Variants in TAFA2 observed in about 807,000 individuals in gnomAD.
TAFA2 encodes the protein chemokine-like protein TAFA-2.
A neutral mutation model predicts 18.8 loss-of-function variants in TAFA2; 7 were observed. That is an observed-to-expected ratio of 0.37 (90% CI 0.21 to 0.70). The LOEUF (loss-of-function observed/expected upper bound fraction) is 0.70, where lower values mean the gene tolerates loss of function less well. Ranked by LOEUF, TAFA2 falls within the 30% of genes least tolerant of loss-of-function variation. TAFA2 has a pLI of 0.53. For missense variants in TAFA2, 122 were observed against 158.1 expected, an observed-to-expected ratio of 0.77 and a Z score of 1.23; for synonymous variants, 60 against 54.2, an observed-to-expected ratio of 1.11 and a Z score of -0.47.
At chr12:62,126,108 T>C (rs948530342) in intron 1 of TAFA2, among the ~76,000 whole-genome samples, 12 of 152,132 alleles carry the variant, frequency 7.9e-5, no homozygotes, top group Non-Finnish European at 2.9e-5. Context: ...TAATTTGAAA[T>C]ATAGCTCCCC....
At chr12:62,083,882 A>G (rs1333719196) in intron 1 of TAFA2, among the ~76,000 whole-genome samples, 2 of 152,060 alleles carry the variant, frequency 1.3e-5, no homozygotes, top group Non-Finnish European at 2.9e-5. Context: ...TTTATTTTTT[A>G]TAATCTAATT....
intron 1 of TAFA2, among the ~76,000 whole-genome samples, chr12:62,224,203 A>T (rs543884366): frequency 7.2e-5 from 11 of 152,124 alleles, no homozygotes; most frequent in Non-Finnish European, 1.0e-4. Context: ...CATTATGTGA[A>T]GTCCATACAA....
chr12:62,119,265 G>C (rs554631614), intron 1 of TAFA2, among the ~76,000 whole-genome samples: 6 of 151,858 alleles, frequency 4.0e-5, no homozygotes, highest in Admixed American at 3.9e-4. Context: ...ATTCTAATTA[G>C]TTATATAATG....
intron 1 of TAFA2, among the ~76,000 whole-genome samples, chr12:61,996,165 C>T (rs1001067450): frequency 1.3e-5 from 2 of 151,912 alleles, no homozygotes; most frequent in East Asian, 1.9e-4. Flanking sequence ...AGTATTTATT[C>T]AACACTTGCT....
intron 1 of TAFA2, among the ~76,000 whole-genome samples, chr12:62,227,796 G>A (rs1050486922): frequency 9.9e-5 from 15 of 152,130 alleles, no homozygotes; most frequent in African/African-American, 3.6e-4. Flanking sequence ...TGTATATGGT[G>A]AGAGGGCTCA....
intron 1 of TAFA2, among the ~76,000 whole-genome samples, chr12:62,215,746 CAAAAAAA>C: frequency 1.4e-5 from 1 of 72,572 alleles, no homozygotes; most frequent in Middle Eastern, 7.9e-3. Context: ...ACTTGTTTCT[CAAAAAAA>C]AAAAAAAAAA....
chr12:62,215,034 C>A (rs187884676), intron 1 of TAFA2, among the ~76,000 whole-genome samples: 5 of 152,288 alleles, frequency 3.3e-5, no homozygotes, highest in African/African-American at 1.2e-4. Context: ...AGGGGCCAGA[C>A]TAGAGAGAAA....
At chr12:61,747,485 A>C (rs1868776274) in intron 4 of TAFA2, among the ~76,000 whole-genome samples, 1 of 147,290 alleles carries the variant, frequency 6.8e-6, no homozygotes, top group Admixed American at 6.8e-5. Flanking sequence ...ACAATGATAG[A>C]CTGGATTAAG....
intron 1 of TAFA2, among the ~76,000 whole-genome samples, chr12:61,953,069 A>G (rs982907833): frequency 1.3e-5 from 2 of 152,118 alleles, no homozygotes; most frequent in African/African-American, 4.8e-5. Context: ...TCTTCATTGC[A>G]TCCCCTCCTT....
intron 4 of TAFA2, among the ~76,000 whole-genome samples, chr12:61,723,803 T>A (rs1228290743): frequency 2.6e-5 from 4 of 152,092 alleles, no homozygotes; most frequent in African/African-American, 7.2e-5. Flanking sequence ...GGCATATTCA[T>A]TACAGTTAAT....
chr12:62,242,891 T>C (rs1353470145), intron 1 of TAFA2, among the ~76,000 whole-genome samples: 3 of 152,184 alleles, frequency 2.0e-5, no homozygotes, highest in African/African-American at 7.2e-5. Flanking sequence ...CTATGAGTAA[T>C]AGGAACTAAC....
chr12:61,879,991 C>T (rs1366658495), intron 1 of TAFA2: 1 of 797,788 alleles, frequency 1.3e-6, no homozygotes, highest in African/African-American at 1.7e-5. Flanking sequence ...AGATCAACTT[C>T]CTCAGGCAGC....
chr12:62,043,625 T>C (rs1881829391), intron 1 of TAFA2, among the ~76,000 whole-genome samples: 1 of 152,058 alleles, frequency 6.6e-6, no homozygotes, highest in East Asian at 1.9e-4. Context: ...ATAATAAAAT[T>C]TAAAAAAAAG....
intron 1 of TAFA2, among the ~76,000 whole-genome samples, chr12:61,931,498 A>G (rs1432854903): frequency 1.3e-5 from 2 of 152,228 alleles, no homozygotes; most frequent in African/African-American, 4.8e-5. Flanking sequence ...TTCTACGGAA[A>G]CAGTGAATGA....
chr12:62,229,583 T>C (rs1319705356), intron 1 of TAFA2, among the ~76,000 whole-genome samples: 1 of 152,124 alleles, frequency 6.6e-6, no homozygotes, highest in Non-Finnish European at 1.5e-5. Flanking sequence ...TTATCAATTT[T>C]CTTTTTAATG....
chr12:62,005,355 C>A (rs1327386846), intron 1 of TAFA2, among the ~76,000 whole-genome samples: 2 of 152,004 alleles, frequency 1.3e-5, no homozygotes, highest in African/African-American at 4.8e-5. Flanking sequence ...AATTTTATTG[C>A]TATCGTCTCC....
At chr12:61,734,865 C>T (rs1868278727) in intron 4 of TAFA2, among the ~76,000 whole-genome samples, 1 of 151,888 alleles carries the variant, frequency 6.6e-6, no homozygotes, top group Non-Finnish European at 1.5e-5. Context: ...CCTTCATCAC[C>T]CCTTCTTTCC....
chr12:62,249,726 C>T (rs1489163059), intron 1 of TAFA2, among the ~76,000 whole-genome samples: 3 of 152,166 alleles, frequency 2.0e-5, no homozygotes, highest in Non-Finnish European at 2.9e-5. Flanking sequence ...CCAGATATTT[C>T]GCTGGGTGCA....
intron 2 of TAFA2, among the ~76,000 whole-genome samples, chr12:61,853,751 GT>G (rs890163605): frequency 3.3e-5 from 5 of 152,118 alleles, no homozygotes; most frequent in East Asian, 3.9e-4. Flanking sequence ...TGATTGGAGG[GT>G]TTTTTTGTTT....
Sources: allele counts gnomAD v4.1 joint callset (sites outside exome capture counted in the v4.1 genomes callset), GRCh38; gene constraint gnomAD v4.1.1; transcripts MANE v1.5; gene names NCBI Gene and HGNC (gene_info 2026-07-23, HGNC 2026-07-21).